CDK5RAP3: variants seen among roughly 807,000 people sequenced by gnomAD.
CDK5RAP3 encodes CDK5 regulatory subunit-associated protein 3.
In CDK5RAP3, 58 loss-of-function variants were observed where a neutral mutation model predicts 73.3. That is an observed-to-expected ratio of 0.79 (90% CI 0.64 to 0.98). CDK5RAP3 has a LOEUF of 0.98. Ranked by LOEUF, CDK5RAP3 falls within the 50% of genes least tolerant of loss-of-function variation. The probability of loss-of-function intolerance (pLI) is 0.00; values close to 1 mark genes in which losing one functional copy is unlikely to be tolerated. For synonymous variants in CDK5RAP3, 224 were observed against 247.5 expected (o/e 0.91, Z 0.89); for missense variants, 525 against 615.8 (o/e 0.85, Z 1.56).
At chr17:47,978,040 A>T in intron 10 of CDK5RAP3, 130 bp downstream of exon 10, 6 of 597,684 alleles carry the variant, frequency 1.0e-5, no homozygotes, top group Non-Finnish European at 1.2e-5. Context: ...AACCTTGATG[A>T]GGATGTGAGC....
intron 4 of CDK5RAP3, 79 bp downstream of exon 4, chr17:47,974,110 A>G: frequency 1.0e-6 from 1 of 992,398 alleles, no homozygotes; most frequent in Non-Finnish European, 1.6e-6. Flanking sequence ...GGTCTCTCTG[A>G]GGCTCCAGTG....
At chr17:47,970,559 C>G (rs1291697569), upstream of CDK5RAP3, 12 of 1,019,666 alleles carry the variant, frequency 1.2e-5, no homozygotes, top group Non-Finnish European at 1.8e-5. Flanking sequence ...TTTGGGACGT[C>G]TCACCGACTC....
At chr17:47,969,759 T>C (rs1216622077), upstream of CDK5RAP3, among the ~76,000 whole-genome samples, 1 of 151,838 alleles carries the variant, frequency 6.6e-6, no homozygotes, top group African/African-American at 2.4e-5. Context: ...CCCCGACAAC[T>C]CCCTCGAACT....
intron 9 of CDK5RAP3, 70 bp downstream of exon 9, chr17:47,976,892 C>T: frequency 9.7e-7 from 1 of 1,030,304 alleles, no homozygotes; most frequent in South Asian, 1.6e-5. Flanking sequence ...TCATTTGTGT[C>T]TGTAACGGCA....
Position 47,975,651 on chromosome 17 carries a change from G to C in CDK5RAP3, c.651G>C (p.Glu217Asp). ...VYQASVGFVC[E>D]SPTEQVLPML... ...AGGCGTCTGTGGGGTTTGTGTGTGA[G>C]AGGTAGAGAGGCCTCAGCTTCTCCT... is the stretch of plus-strand genomic sequence containing the variant. Residue 217 changes from glutamate (E) to aspartate (D), a missense_variant and splice_region_variant, in exon 7 of 14, where the codon GAG becomes GAC. Transcript: ENST00000338399. The C allele has an allele frequency of 6.3e-7, 1 of 1,595,360 alleles. No homozygotes were observed.
In CDK5RAP3 at chr17:47,980,779, A is replaced by G. The variant is rs552957682; in HGVS notation, c.1264A>G (p.Met422Val). Reference protein sequence around the residue: ...LTSLQLQHLFMILASPRYVDR... With the variant: ...LTSLQLQHLFVILASPRYVDR... ...CAGTCTTCAGCTGCAACACCTGTTT[A>G]TGATCCTGGCCTCACCAAGGTCTGG... The change falls in exon 12 of 14, where the codon ATG becomes GTG. Residue 422 changes from methionine (M) to valine (V), a missense_variant. By Grantham distance (21) the Met-to-Val change is conservative. This residue lies in a region of CDK5RAP3 where 116 missense variants were observed against 186.1 expected (regional missense o/e 0.62). Coordinates refer to ENST00000338399, the MANE Select transcript of CDK5RAP3 (RefSeq NM_176096.3). 7 of 1,614,166 alleles carry G rather than the reference A, an allele frequency of 4.3e-6. No homozygotes were observed. Among genetic ancestry groups the G allele is most frequent in the Middle Eastern group, 1.7e-4 (1 of 6,058 alleles).
At chr17:47,980,479 C>A in intron 11 of CDK5RAP3, 114 bp from the exon 12 acceptor site, 1 of 868,690 alleles carries the variant, frequency 1.2e-6, no homozygotes, top group Non-Finnish European at 1.9e-6. Context: ...GTTTCCCAGG[C>A]TGGTCTTGAA....
chr17:47,974,945 T>G, intron 5 of CDK5RAP3: 1 of 1,428,144 alleles, frequency 7.0e-7, no homozygotes, highest in Non-Finnish European at 9.2e-7. Context: ...GATTCTCTCT[T>G]GCATCTTCAT....
chr17:47,971,010 T>G, upstream of CDK5RAP3: 1 of 1,510,302 alleles, frequency 6.6e-7, no homozygotes, highest in South Asian at 1.3e-5. Flanking sequence ...TAAACCCTGA[T>G]TGGCTGTACG....
intron 2 of CDK5RAP3, among the ~76,000 whole-genome samples, chr17:47,972,004 G>T (rs1333745378): frequency 6.7e-6 from 1 of 149,008 alleles, no homozygotes; most frequent in Non-Finnish European, 1.5e-5. Context: ...TCAAAAAGAA[G>T]ACAAAAAACA....
At position 47,975,152 on chromosome 17, in the gene CDK5RAP3, T is replaced by C; in HGVS notation, c.335-7T>C. 1 of 1,614,090 alleles carries C rather than the reference T, an allele frequency of 6.2e-7. No homozygotes were observed. Among genetic ancestry groups the C allele is most frequent in the Non-Finnish European group, 8.5e-7 (1 of 1,180,002 alleles). On this transcript the variant is annotated splice_polypyrimidine_tract_variant and splice_region_variant and intron_variant, in intron 5 of 13. Transcript: ENST00000338399. The stretch of plus-strand genomic sequence containing the variant: ...GTCCTGGGCTGAATTTCCTGGGCAC[T>C]TCTCAGTGGAACTCTCTAGCCTCCT...
rs1390732699 is a variant in CDK5RAP3, at chr17:47,981,658, T to G, written c.*156T>G. 5 of 1,541,988 alleles carry G rather than the reference T, an allele frequency of 3.2e-6. No individual in the cohort carries two copies. The highest frequency in any genetic ancestry group is 4.4e-6 in the Non-Finnish European group (5 of 1,148,440). On this transcript the variant is annotated 3_prime_UTR_variant, in exon 14 of 14. Coordinates refer to ENST00000338399, the MANE Select transcript of CDK5RAP3 (RefSeq NM_176096.3). ...CGGCACCTGATGGTGATCTTGGCAC[T>G]CTCCATGTTCTCTACAAGAAGCTGT...
rs772356786 is a variant in CDK5RAP3 at position 47,973,359 on chromosome 17, T to A, written c.53-160T>A. Among the ~76,000 whole-genome samples the A allele has an allele frequency of 6.6e-5, 10 of 152,336 alleles. No homozygotes were observed. The East Asian group carries it at 1.7e-3, about 26-fold the overall frequency. ...TCAGAGCCTGGTTTAGCCCCAGGCA[T>A]CTCTTTGGGCTTGTCTTTATTCCCA... On this transcript the variant is annotated intron_variant, in intron 2 of 13. Coordinates refer to ENST00000338399, the MANE Select transcript of CDK5RAP3 (RefSeq NM_176096.3).
At chr17:47,970,517 G>A, upstream of CDK5RAP3, 1 of 713,268 alleles carries the variant, frequency 1.4e-6, no homozygotes, top group Non-Finnish European at 2.4e-6. Flanking sequence ...GCTATCTTCA[G>A]CTCTTCGTTT....
At chr17:47,980,916 A>T in intron 12 of CDK5RAP3, 118 bp downstream of exon 12, 3 of 1,108,686 alleles carry the variant, frequency 2.7e-6, no homozygotes, top group Non-Finnish European at 4.0e-6. Flanking sequence ...ATTGCCATCC[A>T]CTGGGGATAG....
upstream of CDK5RAP3, chr17:47,970,623 A>G (rs1023479352): frequency 3.3e-6 from 5 of 1,529,572 alleles, no homozygotes; most frequent in Admixed American, 7.8e-5. Flanking sequence ...GTGCTCAACC[A>G]TGTCTATTAG....
rs1416085110 is a variant in CDK5RAP3 at position 47,973,455 on chromosome 17, G to A, written c.53-64G>A. On this transcript the variant is annotated intron_variant, in intron 2 of 13. Coordinates refer to ENST00000338399, the MANE Select transcript of CDK5RAP3 (RefSeq NM_176096.3). ...AGACTAATTTCAGTGTATTTCACTC[G>A]AATTAGTGATGGAATTTTGGTGATG... 1.8e-5 allele frequency: 29 copies of A among 1,575,768 alleles called. No individual in the cohort carries two copies. The Middle Eastern group carries it at 5.4e-4, about 29-fold the overall frequency.
chr17:47,971,575 G>C (rs1236033727), intron 2 of CDK5RAP3, among the ~76,000 whole-genome samples, 168 bp downstream of exon 2: 1 of 152,232 alleles, frequency 6.6e-6, no homozygotes, highest in Non-Finnish European at 1.5e-5. Flanking sequence ...TGATAGCAGC[G>C]GGAACGAACC....
Position 47,973,628 on chromosome 17 carries a change from C to G in CDK5RAP3, c.162C>G (p.Ile54Met). The G allele has an allele frequency of 1.2e-6, 2 of 1,614,096 alleles. 1 individual carries two copies. Among genetic ancestry groups the G allele is most frequent in the South Asian group, 2.2e-5 (2 of 91,068 alleles). The change falls in exon 3 of 14, where the codon ATC (isoleucine) becomes ATG (methionine). Residue 54 changes from isoleucine to methionine, a missense_variant. By Grantham distance (10) the Ile-to-Met change is conservative. Around this residue, in one of 2 missense-constraint regions of CDK5RAP3, gnomAD observed 409 missense variants for 429.8 expected, o/e 0.95. Transcript: ENST00000338399. The stretch of plus-strand genomic sequence containing the variant: ...AGGACATGCCAGAGAGCGAAGAGAT[C>G]GCCCAGCTGCTGTCTGGGTCCTGTG... ...AIQDMPESEEIAQLLSGSYIH... is the reference protein window; with the variant it reads ...AIQDMPESEEMAQLLSGSYIH...
Sources: gnomAD v4.1 joint callset for allele counts (sites outside exome capture counted in the v4.1 genomes callset) on GRCh38, gnomAD v4.1.1 for gene constraint, gnomAD v4.1.1 regional missense constraint, MANE v1.5 for transcripts, NCBI Gene and HGNC (gene_info 2026-07-23, HGNC 2026-07-21) for gene names.